Variants in ZCWPW2 observed in about 807,000 individuals in gnomAD.
ZCWPW2 encodes the protein zinc finger CW-type and PWWP domain containing 2, also known as zinc finger CW-type PWWP domain protein 2.
A neutral mutation model predicts 46.6 loss-of-function variants in ZCWPW2; 45 were observed. That is an observed-to-expected ratio of 0.96 (90% CI 0.76 to 1.24). The LOEUF is 1.24. Among genes scored for constraint, ZCWPW2 ranks in the 50% most tolerant of loss-of-function variants. The pLI is 0.00. For missense variants in ZCWPW2, 429 were observed against 403.9 expected, an observed-to-expected ratio of 1.06 and a Z score of -0.53; for synonymous variants, 152 against 137.1, an observed-to-expected ratio of 1.11 and a Z score of -0.76.
chr3:28,359,644 CAAAA>C (rs1331911827), intron 1 of ZCWPW2, among the ~76,000 whole-genome samples: 1 of 149,512 alleles, frequency 6.7e-6, no homozygotes, highest in Non-Finnish European at 1.5e-5. Flanking sequence ...TTCATCCTTA[CAAAA>C]AACTGTAGAA....
intron 4 of ZCWPW2, among the ~76,000 whole-genome samples, chr3:28,455,470 C>G (rs1299601126): frequency 6.6e-6 from 1 of 152,134 alleles, no homozygotes; most frequent in Non-Finnish European, 1.5e-5. Context: ...TTTTGCTGTA[C>G]AGAAGCTCTT....
intron 2 of ZCWPW2, among the ~76,000 whole-genome samples, chr3:28,392,990 A>C (rs1695556138): frequency 6.6e-6 from 1 of 152,032 alleles, no homozygotes; most frequent in Non-Finnish European, 1.5e-5. Flanking sequence ...GAAAAGATCA[A>C]AGGAGAGAAG....
intron 4 of ZCWPW2, among the ~76,000 whole-genome samples, chr3:28,466,096 G>A (rs1355979172): frequency 6.6e-6 from 1 of 152,154 alleles, no homozygotes; most frequent in African/African-American, 2.4e-5. Flanking sequence ...AATACTGCAT[G>A]TTCTCACTTC....
intron 4 of ZCWPW2, among the ~76,000 whole-genome samples, chr3:28,474,252 A>G (rs919177161): frequency 3.3e-5 from 5 of 152,194 alleles, no homozygotes; most frequent in African/African-American, 1.2e-4. Context: ...AATATATTAA[A>G]TATATTGCTT....
chr3:28,348,884 A>C lies in ZCWPW2; in HGVS notation c.-453A>C. On this transcript the variant is annotated 5_prime_UTR_variant, in exon 1 of 10. Transcript: ENST00000383768. ...GAGAGAAGGCCCGTTACCCAGCAAT[A>C]CGCGCGCGAGACCCAGGCCCGCCGT... is the stretch of plus-strand genomic sequence containing the variant. The C allele has an allele frequency of 3.3e-6, 3 of 913,500 alleles. No individual in the cohort carries two copies. The highest frequency in any genetic ancestry group is 3.9e-6 in the Non-Finnish European group (3 of 764,226). The allele number at this position is 913,500 out of a possible 1,614,324, so 56.6% of individuals were successfully genotyped here.
At chr3:28,446,987 A>G (rs887577059) in intron 4 of ZCWPW2, among the ~76,000 whole-genome samples, 3 of 152,174 alleles carry the variant, frequency 2.0e-5, no homozygotes, top group Non-Finnish European at 4.4e-5. Context: ...AAACCTGAGT[A>G]GACCTGTAAC....
chr3:28,515,043 G>T (rs759004440), intron 7 of ZCWPW2, among the ~76,000 whole-genome samples: 1 of 152,158 alleles, frequency 6.6e-6, no homozygotes, highest in Non-Finnish European at 1.5e-5. Flanking sequence ...AAAAAATGAA[G>T]AATCCCTAGC....
chr3:28,490,373 T>C (rs1239587509), intron 5 of ZCWPW2, among the ~76,000 whole-genome samples: 5 of 152,184 alleles, frequency 3.3e-5, no homozygotes, highest in Admixed American at 6.6e-5. Flanking sequence ...TGCACACATA[T>C]GTTCATTGCA....
At chr3:28,490,180 C>T (rs968352076) in intron 5 of ZCWPW2, among the ~76,000 whole-genome samples, 3 of 151,962 alleles carry the variant, frequency 2.0e-5, no homozygotes, top group South Asian at 2.1e-4. Flanking sequence ...CAAATACTGG[C>T]GAGGTTGCAG....
chr3:28,489,662 ACG>A (rs749223593), intron 5 of ZCWPW2, among the ~76,000 whole-genome samples: 2,336 of 66,214 alleles, frequency 0.035, 49 homozygotes, highest in African/African-American at 0.08. Context: ...TCACACACAC[ACG>A]CGCGCACACA....
chr3:28,517,054 G>A (rs1019301875), intron 8 of ZCWPW2, among the ~76,000 whole-genome samples: 1 of 152,152 alleles, frequency 6.6e-6, no homozygotes, highest in Non-Finnish European at 1.5e-5. Flanking sequence ...AGAATGTAAA[G>A]TAGGAAAAGT....
At chr3:28,521,351 A>G (rs752654943) in intron 9 of ZCWPW2, among the ~76,000 whole-genome samples, 3 of 152,168 alleles carry the variant, frequency 2.0e-5, no homozygotes, top group African/African-American at 4.8e-5. Context: ...TTAATTTTAA[A>G]TCTTTGGGAT....
intron 6 of ZCWPW2, among the ~76,000 whole-genome samples, chr3:28,496,879 A>G (rs1700004424): frequency 1.3e-5 from 2 of 151,586 alleles, no homozygotes; most frequent in African/African-American, 4.8e-5. Context: ...TGCCAAAAAC[A>G]CAATGCAAAG....
rs1196567227 is a variant in ZCWPW2 at position 28,453,828 on chromosome 3, TTTATTTTTA to T, written c.492+18562_492+18570del. Among the ~76,000 whole-genome samples, 338 of 145,268 alleles carry T rather than the reference TTTATTTTTA, an allele frequency of 2.3e-3. 1 individual carries two copies. The highest frequency in any genetic ancestry group is 7.4e-3 in the Middle Eastern group (2 of 272). ...ATTTATTTATTTATTTATTTATTTATTTATTTTTATTTTTTTTATTATTATTTTTTTTTT... is the reference window on the plus strand; with the variant it reads ...ATTTATTTATTTATTTATTTATTTATTTTTTTTTATTATTATTTTTTTTTT... On this transcript the variant is annotated intron_variant, in intron 4 of 9. Transcript: ENST00000383768.
intron 1 of ZCWPW2, among the ~76,000 whole-genome samples, chr3:28,364,560 C>T (rs902640737): frequency 2.0e-5 from 3 of 152,124 alleles, no homozygotes; most frequent in African/African-American, 7.2e-5. Context: ...TATTACTTTA[C>T]ATTCCCACCA....
intron 6 of ZCWPW2, among the ~76,000 whole-genome samples, chr3:28,513,088 C>T (rs1238555618): frequency 6.6e-6 from 1 of 152,152 alleles, no homozygotes; most frequent in East Asian, 1.9e-4. Flanking sequence ...AAGGTAACTG[C>T]TATCCTGACT....
intron 1 of ZCWPW2, among the ~76,000 whole-genome samples, chr3:28,349,513 C>A (rs1272411497): frequency 2.0e-5 from 3 of 152,208 alleles, no homozygotes; most frequent in Non-Finnish European, 4.4e-5. Flanking sequence ...ACCACGACTT[C>A]TAGCACACTG....
chr3:28,433,917 GT>G (rs71295064), intron 3 of ZCWPW2, among the ~76,000 whole-genome samples: 201 of 140,704 alleles, frequency 1.4e-3, no homozygotes, highest in African/African-American at 3.3e-3. Context: ...TTCCACCCCA[GT>G]TTTTTTTTTT....
At chr3:28,398,709 C>T (rs1010203701) in intron 2 of ZCWPW2, among the ~76,000 whole-genome samples, 9 of 152,190 alleles carry the variant, frequency 5.9e-5, no homozygotes, top group South Asian at 2.1e-4. Flanking sequence ...GAGGAGATGC[C>T]GTCCTTACCT....
Sources: gnomAD v4.1 joint callset for allele counts (sites outside exome capture counted in the v4.1 genomes callset) on GRCh38, gnomAD v4.1.1 for gene constraint, MANE v1.5 for transcripts, NCBI Gene and HGNC (gene_info 2026-07-23, HGNC 2026-07-21) for gene names.